Variants in RIC8B observed in about 807,000 individuals in gnomAD.
RIC8B encodes the protein RIC8 guanine nucleotide exchange factor B, also known as chaperone Ric-8B.
Under a neutral mutation model 57.5 loss-of-function variants are expected in RIC8B, and 16 were observed. That is an observed-to-expected ratio of 0.28 (90% CI 0.19 to 0.42). The LOEUF is 0.42. RIC8B is among the 10% of genes least tolerant of loss of function. The pLI is 1.00. For synonymous variants in RIC8B, 216 were observed against 250.8 expected (o/e 0.86, Z 1.31); for missense variants, 481 against 677.0 (o/e 0.71, Z 3.21).
chr12:106,858,279 G>A (rs1025262239), intron 7 of RIC8B, among the ~76,000 whole-genome samples: 1 of 151,950 alleles, frequency 6.6e-6, no homozygotes, highest in African/African-American at 2.4e-5. Flanking sequence ...ATTGTAATGA[G>A]TATTTCTTTT....
chr12:106,881,331 TTTGAG>T (rs1331124899), intron 9 of RIC8B, among the ~76,000 whole-genome samples: 1 of 151,814 alleles, frequency 6.6e-6, no homozygotes, highest in Non-Finnish European at 1.5e-5. Context: ...CCGCATCTCT[TTTGAG>T]TTGTTTTTTT....
At chr12:106,804,741 G>C (rs1173638153) in intron 2 of RIC8B, among the ~76,000 whole-genome samples, 1 of 152,170 alleles carries the variant, frequency 6.6e-6, no homozygotes, top group African/African-American at 2.4e-5. Context: ...AACAGACCCT[G>C]CCCCCGCCAA....
chr12:106,820,144 C>T (rs2045774225), intron 3 of RIC8B, among the ~76,000 whole-genome samples: 1 of 152,264 alleles, frequency 6.6e-6, no homozygotes, highest in Non-Finnish European at 1.5e-5. Context: ...TGGTTTTAAA[C>T]TGTTTTAGTT....
intron 8 of RIC8B, among the ~76,000 whole-genome samples, chr12:106,861,033 T>C (rs906699480): frequency 3.3e-5 from 5 of 152,036 alleles, no homozygotes; most frequent in African/African-American, 1.2e-4. Context: ...CTATAATTAT[T>C]CTCTTTTATC....
intron 8 of RIC8B, chr12:106,868,279 G>A (rs1236126207): frequency 2.2e-6 from 1 of 456,556 alleles, no homozygotes; most frequent in Non-Finnish European, 4.4e-6. Context: ...AGTGCCTACA[G>A]GCCTGATTTT....
intron 3 of RIC8B, among the ~76,000 whole-genome samples, chr12:106,818,292 G>T (rs1246311216): frequency 6.6e-6 from 1 of 151,770 alleles, no homozygotes; most frequent in Non-Finnish European, 1.5e-5. Flanking sequence ...TCAGCCTCTG[G>T]AGTAGCTGGG....
chr12:106,856,902 T>C (rs1949735003), intron 7 of RIC8B, among the ~76,000 whole-genome samples: 1 of 152,144 alleles, frequency 6.6e-6, no homozygotes, highest in Non-Finnish European at 1.5e-5. Context: ...AATGTGCCGG[T>C]GCTATGGCAA....
chr12:106,793,952 G>A (rs1023622923), intron 2 of RIC8B, among the ~76,000 whole-genome samples: 1 of 151,560 alleles, frequency 6.6e-6, no homozygotes, highest in Non-Finnish European at 1.5e-5. Context: ...AGGGAAGCAG[G>A]CACCAAAAAC....
intron 1 of RIC8B, among the ~76,000 whole-genome samples, chr12:106,781,957 A>G (rs1363461243): frequency 6.6e-6 from 1 of 152,198 alleles, no homozygotes; most frequent in Non-Finnish European, 1.5e-5. Context: ...ACTAAACCTC[A>G]GGTCTATACA....
intron 2 of RIC8B, among the ~76,000 whole-genome samples, chr12:106,804,421 G>T (rs2044906147): frequency 6.6e-6 from 1 of 152,094 alleles, no homozygotes; most frequent in South Asian, 2.1e-4. Flanking sequence ...CACCATGTTG[G>T]CCAGGCTGGT....
chr12:106,825,334 C>T (rs1260816615), intron 3 of RIC8B, among the ~76,000 whole-genome samples: 6 of 152,158 alleles, frequency 3.9e-5, no homozygotes, highest in African/African-American at 1.2e-4. Flanking sequence ...AGAGATGAGA[C>T]ATTTTTATTA....
chr12:106,874,399 A>G, intron 9 of RIC8B: 3 of 1,056,270 alleles, frequency 2.8e-6, no homozygotes, highest in Non-Finnish European at 4.3e-6. Context: ...ACCTGAATTG[A>G]AAGGCATGTG....
At chr12:106,850,308 G>C (rs1327878744) in intron 6 of RIC8B, among the ~76,000 whole-genome samples, 1 of 152,196 alleles carries the variant, frequency 6.6e-6, no homozygotes, top group Non-Finnish European at 1.5e-5. Flanking sequence ...ACTATAAAAA[G>C]CCATAAAACT....
chr12:106,829,383 A>C (rs7138348), intron 4 of RIC8B, among the ~76,000 whole-genome samples: 11,427 of 152,260 alleles, frequency 0.075, 531 homozygotes, highest in East Asian at 0.16. Context: ...CTATATGCTG[A>C]TGAGAGGAGG....
In RIC8B at chr12:106,803,215, C is replaced by CAAAAAAAAAAAAAA. The variant is rs55853235; in HGVS notation, c.133-11471_133-11458dup. Among the ~76,000 whole-genome samples, 125 of 83,998 alleles carry CAAAAAAAAAAAAAA rather than the reference C, an allele frequency of 1.5e-3. 4 individuals carry two copies. The highest frequency in any genetic ancestry group is 3.6e-3 in the African/African-American group (72 of 20,276). The allele number at this position is 83,998 out of a possible 152,430, so 55.1% of individuals were successfully genotyped here. ...TGACAAGAGTGATGATACCCTGTCT[C>CAAAAAAAAAAAAAA]AAAAAAAAAAAAAAAAAAAAAAAGC... On this transcript the variant is annotated intron_variant, in intron 2 of 9. Coordinates refer to ENST00000392837, the MANE Select transcript of RIC8B (RefSeq NM_001330145.2).
intron 7 of RIC8B, among the ~76,000 whole-genome samples, chr12:106,856,302 T>C (rs1949714029): frequency 6.6e-6 from 1 of 152,214 alleles, no homozygotes; most frequent in Admixed American, 6.5e-5. Flanking sequence ...ATTCCCCTCA[T>C]ATAAAACTTT....
chr12:106,814,326 A>G (rs1385808982), intron 2 of RIC8B, among the ~76,000 whole-genome samples: 1 of 152,236 alleles, frequency 6.6e-6, no homozygotes. Context: ...AGGGGGTTCA[A>G]GGGTTTCTGA....
intron 4 of RIC8B, among the ~76,000 whole-genome samples, chr12:106,838,388 A>T (rs2136397154): frequency 6.6e-6 from 1 of 152,290 alleles, no homozygotes; most frequent in South Asian, 2.1e-4. Flanking sequence ...AAGAACACTT[A>T]AATTAGCCAG....
chr12:106,806,136 G>A (rs551789095), intron 2 of RIC8B, among the ~76,000 whole-genome samples: 3 of 152,172 alleles, frequency 2.0e-5, no homozygotes, highest in Non-Finnish European at 4.4e-5. Flanking sequence ...TAGTAGAGAC[G>A]GGGTTTCTCC....
Sources: allele counts gnomAD v4.1 joint callset (sites outside exome capture counted in the v4.1 genomes callset), GRCh38; gene constraint gnomAD v4.1.1; transcripts MANE v1.5; gene names NCBI Gene and HGNC (gene_info 2026-07-23, HGNC 2026-07-21).